Variants in KIF15 observed in about 807,000 individuals in gnomAD.
KIF15 encodes kinesin-like protein KIF15.
A neutral mutation model predicts 190.6 loss-of-function variants in KIF15; 140 were observed. That is an observed-to-expected ratio of 0.73 (90% CI 0.64 to 0.84). KIF15 has a LOEUF of 0.84. Ranked by LOEUF, KIF15 falls within the 40% of genes least tolerant of loss-of-function variation. The pLI, the probability that KIF15 is intolerant of heterozygous loss-of-function variation, is 0.00. For synonymous variants in KIF15, 528 were observed against 551.3 expected (o/e 0.96, Z 0.59); for missense variants, 1,372 against 1,584.4 (o/e 0.87, Z 2.28).
chr3:44,764,112 T>C (rs1705284643), intron 1 of KIF15, among the ~76,000 whole-genome samples: 1 of 152,226 alleles, frequency 6.6e-6, no homozygotes, highest in African/African-American at 2.4e-5. Context: ...GACTTACTGT[T>C]TTGTTGAGGT....
chr3:44,829,780 TATATA>T (rs560939401), intron 24 of KIF15, among the ~76,000 whole-genome samples, 186 bp from the exon 25 acceptor site: 2,240 of 142,322 alleles, frequency 0.016, 56 homozygotes, highest in African/African-American at 0.055. Flanking sequence ...TAGATGTATA[TATATA>T]ATATATGCAT....
intron 7 of KIF15, among the ~76,000 whole-genome samples, chr3:44,788,381 T>G (rs896137020): frequency 2.6e-5 from 4 of 152,226 alleles, no homozygotes; most frequent in Non-Finnish European, 5.9e-5. Flanking sequence ...TTATTTTGTT[T>G]AGTGTTTTTC....
intron 5 of KIF15, among the ~76,000 whole-genome samples, chr3:44,784,327 C>G (rs1450786266): frequency 6.6e-6 from 1 of 152,060 alleles, no homozygotes; most frequent in South Asian, 2.1e-4. Flanking sequence ...CGCCCGCTAC[C>G]ACGCCCGGCT....
rs964461953 is a variant in KIF15 at position 44,851,857 on chromosome 3, C to T, written c.3877C>T (p.Arg1293Ter). The stretch of plus-strand genomic sequence containing the variant: ...CCTTAGAATGACTGATGAAGTCGAA[C>T]GAACCCAAACTTTGGAGTCTAAAGC... Reference protein sequence around the residue: ...ECLRMTDEVERTQTLESKAFQ... With the variant: ...ECLRMTDEVE The change falls in exon 33 of 35, where the codon CGA becomes TGA. Residue 1293 changes from arginine (R) to a stop codon, truncating the protein, a stop_gained. Transcript: ENST00000326047. LOFTEE classifies it high-confidence loss of function. 9.9e-6 allele frequency: 16 copies of T among 1,613,804 alleles called. No homozygotes were observed. Among genetic ancestry groups the T allele is most frequent in the Admixed American group, 1.7e-5 (1 of 59,976 alleles).
chr3:44,841,134 C>T lies in KIF15; in HGVS notation c.3481C>T (p.Gln1161Ter), dbSNP rs1209946822. The change falls in exon 29 of 35, where the codon CAA becomes TAA. Residue 1161 changes from glutamine to a stop codon, truncating the protein, a stop_gained. Coordinates refer to ENST00000326047, the MANE Select transcript of KIF15 (RefSeq NM_020242.3). LOFTEE classifies it high-confidence loss of function. ...GGCAAAACTCCTGGAAACACAAGAA[C>T]AAGAGATAGAAGATGGAAGAGCCTC... is the stretch of plus-strand genomic sequence containing the variant. Reference protein sequence around the residue: ...HLAKLLETQEQEIEDGRASKT... With the variant: ...HLAKLLETQE 2 of 1,613,524 alleles carry T rather than the reference C, an allele frequency of 1.2e-6. No homozygotes were observed. The highest frequency in any genetic ancestry group is 3.3e-5 in the Admixed American group (2 of 59,974).
intron 19 of KIF15, 161 bp downstream of exon 19, chr3:44,813,341 CAGT>C (rs1326733317): frequency 3.9e-6 from 2 of 508,222 alleles, no homozygotes; most frequent in Non-Finnish European, 6.8e-6. Context: ...TGGTAAGTAA[CAGT>C]AATATATCAT....
intron 10 of KIF15, 93 bp downstream of exon 10, chr3:44,798,049 A>G (rs978841417): frequency 8.8e-7 from 1 of 1,134,312 alleles, no homozygotes; most frequent in African/African-American, 1.6e-5. Flanking sequence ...ATTAACATTA[A>G]CTTTTATTTA....
chr3:44,809,589 A>G (rs1464119013), intron 16 of KIF15, among the ~76,000 whole-genome samples: 1 of 152,112 alleles, frequency 6.6e-6, no homozygotes, highest in African/African-American at 2.4e-5. Flanking sequence ...TCACACCTGT[A>G]ATCTTAACAC....
At chr3:44,862,333 C>G (rs1377852894) in intron 6 of KIF15, 2 of 166,650 alleles carry the variant, frequency 1.2e-5, no homozygotes, top group African/African-American at 4.8e-5. Flanking sequence ...CGCCTCTAAT[C>G]ACGCCAAACC....
chr3:44,799,098 G>T, intron 10 of KIF15: 1 of 344,782 alleles, frequency 2.9e-6, no homozygotes, highest in Non-Finnish European at 5.5e-6. Flanking sequence ...AGTCTCTTAA[G>T]ATTTACTAGA....
chr3:44,819,280 C>T (rs985620316), intron 20 of KIF15, among the ~76,000 whole-genome samples: 1 of 152,134 alleles, frequency 6.6e-6, no homozygotes, highest in African/African-American at 2.4e-5. Flanking sequence ...TTCCTGCCTT[C>T]TGCTAGCTTT....
chr3:44,810,617 T>G (rs1707740790), intron 16 of KIF15, among the ~76,000 whole-genome samples: 1 of 152,192 alleles, frequency 6.6e-6, no homozygotes. Context: ...TGAAAATAGA[T>G]ATCAGCTCAT....
Position 44,802,791 on chromosome 3 carries a change from C to A in KIF15, c.1510-23C>A. ...AGGAAATGTTTGTAAATATATAATG[C>A]GTGTAATTCTTCTATGTCACAGATA... On this transcript the variant is annotated intron_variant, in intron 13 of 34. Transcript: ENST00000326047. 2.6e-6 allele frequency: 4 copies of A among 1,520,460 alleles called. No individual in the cohort carries two copies. In the African/African-American group the frequency reaches 4.2e-5, roughly 16 times the overall value. The allele number at this position is 1,520,460 out of a possible 1,614,324, so 94.2% of individuals were successfully genotyped here. A position where few individuals can be genotyped will look rare whatever the true frequency, so the allele number is the denominator to read the frequency against.
At chr3:44,801,380 C>T in intron 11 of KIF15, 70 bp from the exon 12 acceptor site, 1 of 906,170 alleles carries the variant, frequency 1.1e-6, no homozygotes, top group Middle Eastern at 2.2e-4. Flanking sequence ...TAAAGGCTAT[C>T]TGTTCTCTTG....
chr3:44,801,906 T>C lies in KIF15; in HGVS notation c.1441T>C (p.Phe481Leu), dbSNP rs1707293680. The C allele has an allele frequency of 6.2e-7, 1 of 1,613,854 alleles. No homozygotes were observed. The highest frequency in any genetic ancestry group is 1.3e-5 in the African/African-American group (1 of 74,906). Residue 481 changes from phenylalanine (F) to leucine (L), a missense_variant, in exon 13 of 35, where the codon TTT (phenylalanine) becomes CTT (leucine). Coordinates refer to ENST00000326047, the MANE Select transcript of KIF15 (RefSeq NM_020242.3). ...EKLHKESRGG[F>L]LPEEQDRLLS... Reference sequence around the variant, plus strand: ...GCTCCACAAGGAATCCCGGGGAGGTTTTCTGCCTGAGGAGCAGGATCGTTT... The same window carrying C: ...GCTCCACAAGGAATCCCGGGGAGGTCTTCTGCCTGAGGAGCAGGATCGTTT...
At chr3:44,848,459 T>A (rs1698945867) in intron 31 of KIF15, 62 bp from the exon 32 acceptor site, 1 of 758,538 alleles carries the variant, frequency 1.3e-6, no homozygotes, top group Non-Finnish European at 2.2e-6. Flanking sequence ...CTATCTTTTT[T>A]AAGCAATGTT....
Position 44,775,309 on chromosome 3 carries a change from T to A in KIF15, c.118T>A (p.Ser40Thr), listed in dbSNP as rs747932085. The A allele has an allele frequency of 1.2e-6, 2 of 1,614,100 alleles. No individual in the cohort carries two copies. The highest frequency in any genetic ancestry group is 2.7e-5 in the African/African-American group (2 of 75,022). Residue 40 changes from serine (S) to threonine (T), a missense_variant, in exon 3 of 35, where the codon TCT becomes ACT. Ser to Thr is a moderately conservative substitution (Grantham distance 58). Transcript: ENST00000326047. ...GCGAATTCGTCCTCCTGCAGAAAGA[T>A]CTGGGTCAGCTGATGGAGAGCAGAA... is the stretch of plus-strand genomic sequence containing the variant. ...FVRIRPPAERSGSADGEQNLC... is the reference protein window; with the variant it reads ...FVRIRPPAERTGSADGEQNLC...
chr3:44,852,495 G>C (rs1699097294), intron 34 of KIF15, among the ~76,000 whole-genome samples, 156 bp downstream of exon 34: 1 of 151,010 alleles, frequency 6.6e-6, no homozygotes, highest in Non-Finnish European at 1.5e-5. Context: ...TTGCTATTCT[G>C]AGCCTAATTC....
chr3:44,858,639 A>G (rs568904872), intron 6 of KIF15, among the ~76,000 whole-genome samples: 69 of 152,294 alleles, frequency 4.5e-4, no homozygotes, highest in African/African-American at 1.5e-3. Context: ...ATTTGGTTAA[A>G]TATTTCAGCC....
Sources: gnomAD v4.1 joint callset for allele counts (sites outside exome capture counted in the v4.1 genomes callset) on GRCh38, gnomAD v4.1.1 for gene constraint, MANE v1.5 for transcripts, NCBI Gene and HGNC (gene_info 2026-07-23, HGNC 2026-07-21) for gene names.